The following PDE7B variants were observed in gnomAD, a reference collection of about 807,000 sequenced individuals.
PDE7B encodes phosphodiesterase 7B, also known as 3',5'-cyclic-AMP phosphodiesterase 7B.
A neutral mutation model predicts 56.2 loss-of-function variants in PDE7B; 29 were observed. The observed-to-expected ratio is 0.52, with a 90% CI of 0.38 to 0.70. The LOEUF (loss-of-function observed/expected upper bound fraction) is 0.70, where lower values mean the gene tolerates loss of function less well. PDE7B is among the 30% of genes least tolerant of loss of function. The pLI, the probability that PDE7B is intolerant of heterozygous loss-of-function variation, is 0.00. For missense variants in PDE7B, 490 were observed against 565.0 expected (o/e 0.87, Z 1.35); for synonymous variants, 197 against 196.9 (o/e 1.00, Z 0.00).
chr6:136,108,019 C>T (rs150115375), intron 2 of PDE7B, among the ~76,000 whole-genome samples: 1,592 of 148,422 alleles, frequency 0.011, 26 homozygotes, highest in African/African-American at 0.038. Flanking sequence ...CCCAGCTACT[C>T]GGGAGGCTAA....
chr6:136,051,596 G>A (rs1776630146), intron 2 of PDE7B, among the ~76,000 whole-genome samples: 1 of 152,186 alleles, frequency 6.6e-6, no homozygotes, highest in Non-Finnish European at 1.5e-5. Flanking sequence ...CAGCTTGCTG[G>A]ATGCATTGTA....
At chr6:135,916,576 A>G (rs1426333057) in intron 1 of PDE7B, among the ~76,000 whole-genome samples, 3 of 151,496 alleles carry the variant, frequency 2.0e-5, no homozygotes, top group Non-Finnish European at 4.4e-5. Context: ...TATTTTTAGT[A>G]GAGATGGGGT....
intron 2 of PDE7B, among the ~76,000 whole-genome samples, chr6:135,976,961 C>T (rs1202426047): frequency 6.6e-6 from 1 of 152,136 alleles, no homozygotes; most frequent in East Asian, 1.9e-4. Flanking sequence ...CTCTATACAT[C>T]TGTCCAGATA....
At chr6:136,122,138 G>A (rs1777946319) in intron 3 of PDE7B, among the ~76,000 whole-genome samples, 1 of 152,066 alleles carries the variant, frequency 6.6e-6, no homozygotes, top group Admixed American at 6.6e-5. Context: ...TGGGACTCCA[G>A]GCGCCCACCA....
At chr6:135,942,762 C>T (rs368794020) in intron 1 of PDE7B, among the ~76,000 whole-genome samples, 84 of 152,110 alleles carry the variant, frequency 5.5e-4, no homozygotes, top group African/African-American at 2.0e-3. Flanking sequence ...TCTTTCTGTA[C>T]CTGGCTTATT....
intron 2 of PDE7B, among the ~76,000 whole-genome samples, chr6:136,011,157 T>C (rs971724239): frequency 5.9e-5 from 9 of 152,012 alleles, no homozygotes; most frequent in African/African-American, 1.9e-4. Flanking sequence ...TTTCTCCCCA[T>C]CAAAAAAACA....
intron 3 of PDE7B, among the ~76,000 whole-genome samples, chr6:136,142,341 C>A (rs1336494797): frequency 2.0e-5 from 3 of 152,274 alleles, no homozygotes; most frequent in African/African-American, 7.2e-5. Context: ...AATTTCTGTT[C>A]TTTTACATTT....
At chr6:136,125,636 A>T (rs889995100) in intron 3 of PDE7B, among the ~76,000 whole-genome samples, 5 of 152,106 alleles carry the variant, frequency 3.3e-5, no homozygotes, top group Admixed American at 1.3e-4. Context: ...TTGATTTTTT[A>T]AAAAAGATAT....
At chr6:135,923,828 T>G (rs1313138582) in intron 1 of PDE7B, among the ~76,000 whole-genome samples, 1 of 152,164 alleles carries the variant, frequency 6.6e-6, no homozygotes, top group Non-Finnish European at 1.5e-5. Flanking sequence ...ATATCCTTTA[T>G]AATCAAAGAA....
rs1381355280 is a variant in PDE7B, at chr6:136,167,455, G to A, written c.712-6342G>A. 2.0e-5 allele frequency among the ~76,000 whole-genome samples: 3 copies of A among 151,998 alleles called. 1 individual carries two copies. In the South Asian group the frequency reaches 6.2e-4, roughly 32 times the overall value. On this transcript the variant is annotated intron_variant, in intron 8 of 12. Transcript: ENST00000308191. The stretch of plus-strand genomic sequence containing the variant: ...GATCTGATGGTTTCATAAAGGGGAG[G>A]TTTCCTGCACAAGCTCTCTCTCTTC...
At chr6:136,061,196 A>T (rs895153632) in intron 2 of PDE7B, among the ~76,000 whole-genome samples, 49 of 152,110 alleles carry the variant, frequency 3.2e-4, no homozygotes, top group African/African-American at 1.0e-3. Context: ...AAAGTTCTGC[A>T]TGTGTGTGTG....
At chr6:135,971,246 A>G (rs575307345) in intron 2 of PDE7B, among the ~76,000 whole-genome samples, 1 of 152,316 alleles carries the variant, frequency 6.6e-6, no homozygotes, top group African/African-American at 2.4e-5. Context: ...GCAGTCATCG[A>G]CAAGCCAAAG....
intron 2 of PDE7B, among the ~76,000 whole-genome samples, chr6:136,053,145 G>C (rs1262266664): frequency 1.3e-5 from 2 of 151,774 alleles, no homozygotes; most frequent in Non-Finnish European, 2.9e-5. Flanking sequence ...TGCCACGTTG[G>C]TGTGCTGCAC....
intron 1 of PDE7B, among the ~76,000 whole-genome samples, chr6:135,941,968 TG>T (rs1774512517): frequency 6.6e-6 from 1 of 152,210 alleles, no homozygotes; most frequent in Non-Finnish European, 1.5e-5. Flanking sequence ...AAAGCTTATC[TG>T]AAGCAGAAAA....
chr6:136,048,614 T>A (rs1288222514), intron 2 of PDE7B, among the ~76,000 whole-genome samples: 1 of 152,174 alleles, frequency 6.6e-6, no homozygotes, highest in Admixed American at 6.5e-5. Context: ...GCCTCATCTG[T>A]CTTTCTGAGG....
chr6:136,103,139 G>C (rs866644406), intron 2 of PDE7B, among the ~76,000 whole-genome samples: 3 of 152,146 alleles, frequency 2.0e-5, no homozygotes, highest in Non-Finnish European at 4.4e-5. Context: ...TAGTGAAACA[G>C]AACAATGGAC....
At chr6:135,967,320 G>A (rs542452564) in intron 2 of PDE7B, among the ~76,000 whole-genome samples, 1 of 152,212 alleles carries the variant, frequency 6.6e-6, no homozygotes, top group South Asian at 2.1e-4. Flanking sequence ...GAGTTTGAAT[G>A]AAATAACAAT....
intron 1 of PDE7B, among the ~76,000 whole-genome samples, chr6:135,872,088 A>AGT (rs1775393160): frequency 6.6e-6 from 1 of 152,206 alleles, no homozygotes; most frequent in Non-Finnish European, 1.5e-5. Flanking sequence ...TTTTCCTAAC[A>AGT]GATGCCTCAG....
rs185511505 is a variant in PDE7B, at chr6:136,003,436, A to C, written c.82+55912A>C. Among the ~76,000 whole-genome samples the C allele has an allele frequency of 1.8e-3, 280 of 152,378 alleles. 1 individual carries two copies. The highest frequency in any genetic ancestry group is 6.8e-3 in the Middle Eastern group (2 of 294). On this transcript the variant is annotated intron_variant, in intron 2 of 12. Coordinates refer to ENST00000308191, the MANE Select transcript of PDE7B (RefSeq NM_018945.4). ...AAGCTGGTTTATTGAAAGGATCAAC[A>C]AAATCAGTAGACTGCTAGCAAGACT... is the stretch of plus-strand genomic sequence containing the variant.
Sources: gnomAD v4.1 joint callset for allele counts (sites outside exome capture counted in the v4.1 genomes callset) on GRCh38, gnomAD v4.1.1 for gene constraint, MANE v1.5 for transcripts, NCBI Gene and HGNC (gene_info 2026-07-23, HGNC 2026-07-21) for gene names.